The following HSD17B12 variants were observed in gnomAD, a reference collection of about 807,000 sequenced individuals.
HSD17B12 encodes very-long-chain 3-oxoacyl-CoA reductase.
In HSD17B12, 32 loss-of-function variants were observed where a neutral mutation model predicts 39.3. The ratio of observed to expected loss-of-function variants is 0.81; its 90% CI spans 0.61 to 1.09. The LOEUF (loss-of-function observed/expected upper bound fraction) is 1.09, where lower values mean the gene tolerates loss of function less well. Among genes scored for constraint, HSD17B12 ranks in the 50% least tolerant of loss-of-function variants. The pLI, the probability that HSD17B12 is intolerant of heterozygous loss-of-function variation, is 0.00. For missense variants in HSD17B12, 342 were observed against 382.9 expected, an observed-to-expected ratio of 0.89 and a Z score of 0.89; for synonymous variants, 150 against 146.7, an observed-to-expected ratio of 1.02 and a Z score of -0.16.
At chr11:43,743,131 C>T (rs946094398) in intron 1 of HSD17B12, among the ~76,000 whole-genome samples, 2 of 152,162 alleles carry the variant, frequency 1.3e-5, no homozygotes, top group Admixed American at 6.5e-5. Flanking sequence ...AAAAAATGTT[C>T]TTGCTGGGCA....
chr11:43,768,044 C>G (rs2134979364), intron 3 of HSD17B12, among the ~76,000 whole-genome samples: 1 of 152,324 alleles, frequency 6.6e-6, no homozygotes, highest in East Asian at 1.9e-4. Context: ...AAAACGAAGT[C>G]TGGGGAGAGA....
chr11:43,699,795 G>A (rs1162587011), intron 1 of HSD17B12, among the ~76,000 whole-genome samples: 3 of 152,018 alleles, frequency 2.0e-5, no homozygotes, highest in African/African-American at 4.8e-5. Context: ...CTAATAATCC[G>A]ATCAAAAAAT....
the HSD17B12 span, among the ~76,000 whole-genome samples, chr11:43,597,504 A>G: frequency 6.6e-6 from 1 of 152,134 alleles, no homozygotes; most frequent in Admixed American, 6.5e-5. Flanking sequence ...AAGGTTTTAG[A>G]CTGAGGGAGT....
chr11:43,825,092 C>T (rs1019658154), intron 6 of HSD17B12, among the ~76,000 whole-genome samples: 1 of 151,308 alleles, frequency 6.6e-6, no homozygotes, highest in Non-Finnish European at 1.5e-5. Flanking sequence ...GATCGTGCCA[C>T]TGGACTCCAG....
chr11:43,835,674 A>G (rs1244386919), intron 7 of HSD17B12, among the ~76,000 whole-genome samples: 1 of 152,128 alleles, frequency 6.6e-6, no homozygotes, highest in Non-Finnish European at 1.5e-5. Context: ...TTGCTTTATC[A>G]TTTATTAGTC....
At position 43,798,453 on chromosome 11, in the gene HSD17B12, GTTC is replaced by G. The variant is rs1565093441; in HGVS notation, c.391+32_391+34del. ...GTTTGTATTTTTGCCACATTTATAG[GTTC>G]TTCTTGTATTTATTATTTGACTTTA... On this transcript the variant is annotated intron_variant, in intron 4 of 10. Coordinates refer to ENST00000278353, the MANE Select transcript of HSD17B12 (RefSeq NM_016142.3). The G allele has an allele frequency of 3.7e-6, 5 of 1,364,902 alleles. No individual in the cohort carries two copies. In the South Asian group the frequency reaches 6.1e-5, roughly 17 times the overall value. The allele number at this position is 1,364,902 out of a possible 1,614,324, so 84.5% of individuals were successfully genotyped here.
the HSD17B12 span, among the ~76,000 whole-genome samples, chr11:43,575,556 G>C: frequency 6.6e-6 from 1 of 152,244 alleles, no homozygotes; most frequent in Non-Finnish European, 1.5e-5. The surrounding 1 kb of genome is among the most constrained non-coding windows in gnomAD (Gnocchi z 4.1). Flanking sequence ...CCGCTTGCCC[G>C]GTGCAGACTA....
At chr11:43,719,161 G>T in intron 1 of HSD17B12, 5 of 751,594 alleles carry the variant, frequency 6.7e-6, no homozygotes, top group Non-Finnish European at 1.2e-5. Flanking sequence ...AGTCCAGATG[G>T]CTAATTCTAA....
At chr11:43,643,677 C>T in the HSD17B12 span, among the ~76,000 whole-genome samples, 1 of 151,984 alleles carries the variant, frequency 6.6e-6, no homozygotes, top group Non-Finnish European at 1.5e-5. Flanking sequence ...TACTTGGAGT[C>T]GCATAATTTT....
At chr11:43,588,777 C>CA in the HSD17B12 span, among the ~76,000 whole-genome samples, 1 of 151,794 alleles carries the variant, frequency 6.6e-6, no homozygotes, top group Non-Finnish European at 1.5e-5. Context: ...CCATTTGTTC[C>CA]ATGGCCTGCC....
the HSD17B12 span, among the ~76,000 whole-genome samples, chr11:43,588,181 T>TTA: frequency 6.6e-6 from 1 of 152,204 alleles, no homozygotes; most frequent in South Asian, 2.1e-4. Context: ...TTTACTGATT[T>TTA]TAGAACTGAT....
intron 4 of HSD17B12, among the ~76,000 whole-genome samples, chr11:43,812,502 C>T (rs1425895348): frequency 6.6e-6 from 1 of 152,110 alleles, no homozygotes; most frequent in African/African-American, 2.4e-5. Flanking sequence ...ATCTGCTGGC[C>T]ATTTGTATGT....
intron 1 of HSD17B12, among the ~76,000 whole-genome samples, chr11:43,713,082 T>A (rs1415479335): frequency 6.6e-6 from 1 of 152,120 alleles, no homozygotes; most frequent in African/African-American, 2.4e-5. Context: ...TTTATGATAA[T>A]GGAAATATTC....
the HSD17B12 span, among the ~76,000 whole-genome samples, chr11:43,629,094 G>A: frequency 2.0e-5 from 3 of 152,200 alleles, no homozygotes; most frequent in East Asian, 5.8e-4. Flanking sequence ...GGTGGATGTG[G>A]ACGTTGATTT....
intron 1 of HSD17B12, among the ~76,000 whole-genome samples, chr11:43,711,471 T>C (rs1349081559): frequency 6.6e-6 from 1 of 150,572 alleles, no homozygotes; most frequent in Non-Finnish European, 1.5e-5. Context: ...GCTTGGTTGG[T>C]TGGTTTTTTT....
chr11:43,582,524 CAT>C, the HSD17B12 span, among the ~76,000 whole-genome samples: 4 of 152,240 alleles, frequency 2.6e-5, no homozygotes, highest in African/African-American at 4.8e-5. Context: ...CACATACACA[CAT>C]GAGTGCCCAC....
intron 1 of HSD17B12, among the ~76,000 whole-genome samples, chr11:43,729,086 G>A (rs1329886752): frequency 6.6e-6 from 1 of 152,066 alleles, no homozygotes; most frequent in African/African-American, 2.4e-5. Flanking sequence ...CCACATACCA[G>A]CATCTTAAAG....
chr11:43,656,424 A>G, the HSD17B12 span, among the ~76,000 whole-genome samples: 1 of 151,748 alleles, frequency 6.6e-6, no homozygotes, highest in Non-Finnish European at 1.5e-5. Context: ...GATCTTAGTT[A>G]TTTCTTGCCT....
At chr11:43,767,585 G>C (rs923765984) in intron 3 of HSD17B12, among the ~76,000 whole-genome samples, 2 of 151,906 alleles carry the variant, frequency 1.3e-5, no homozygotes, top group Non-Finnish European at 2.9e-5. Flanking sequence ...GCATATTTTT[G>C]TTACATGCTA....
Sources: allele counts gnomAD v4.1 joint callset (sites outside exome capture counted in the v4.1 genomes callset), GRCh38; gene constraint gnomAD v4.1.1; non-coding constraint Gnocchi (gnomAD v3.1); transcripts MANE v1.5; gene names NCBI Gene and HGNC (gene_info 2026-07-23, HGNC 2026-07-21).